ZNF558: variants seen among roughly 807,000 people sequenced by gnomAD.
ZNF558 encodes the protein zinc finger protein 558.
Under a neutral mutation model 37.6 loss-of-function variants are expected in ZNF558, and 23 were observed. The observed-to-expected ratio is 0.61, with a 90% CI of 0.44 to 0.87. The LOEUF (loss-of-function observed/expected upper bound fraction) is 0.87, where lower values mean the gene tolerates loss of function less well. ZNF558 is among the 40% of genes least tolerant of loss of function. ZNF558 has a pLI of 0.00. For synonymous variants in ZNF558, 189 were observed against 174.4 expected (o/e 1.08, Z -0.66); for missense variants, 429 against 483.7 (o/e 0.89, Z 1.06).
intron 7 of ZNF558, among the ~76,000 whole-genome samples, chr19:8,819,645 C>T (rs2044031108): frequency 6.6e-6 from 1 of 152,084 alleles, no homozygotes; most frequent in African/African-American, 2.4e-5. Context: ...CCAAGTAAAA[C>T]ATGGGCAGAG....
chr19:8,837,656 C>T, the ZNF558 span, among the ~76,000 whole-genome samples: 1 of 152,130 alleles, frequency 6.6e-6, no homozygotes, highest in East Asian at 1.9e-4. Context: ...TTCACACTGG[C>T]CTCATGGACA....
At chr19:8,818,947 A>C (rs1355621171) in intron 7 of ZNF558, among the ~76,000 whole-genome samples, 2 of 152,224 alleles carry the variant, frequency 1.3e-5, no homozygotes, top group Admixed American at 1.3e-4. Flanking sequence ...AAAGGTGGTG[A>C]GACAACTGGA....
chr19:8,811,336 A>T lies in ZNF558; in HGVS notation c.1154T>A (p.Phe385Tyr), dbSNP rs782780384. The T allele has an allele frequency of 1.2e-6, 2 of 1,610,840 alleles. No individual in the cohort carries two copies. Among genetic ancestry groups the T allele is most frequent in the Non-Finnish European group, 1.7e-6 (2 of 1,178,616 alleles). ...PYECNHCGKSFTSNSYLSVHK... is the reference protein window; with the variant it reads ...PYECNHCGKSYTSNSYLSVHK... ...CACAGAAAGATAGGAGTTACTTGTGAAGGATTTCCCACAATGATTACATTC... is the reference window on the plus strand; with the variant it reads ...CACAGAAAGATAGGAGTTACTTGTGTAGGATTTCCCACAATGATTACATTC... Residue 385 changes from phenylalanine (F) to tyrosine (Y), a missense_variant, in exon 10 of 10, where the codon TTC becomes TAC. Physicochemically the swap from Phe to Tyr is conservative, Grantham distance 22 (BLOSUM62 3). Transcript: ENST00000601372.
At chr19:8,836,532 C>A (rs1032999244), upstream of ZNF558, among the ~76,000 whole-genome samples, 1 of 151,378 alleles carries the variant, frequency 6.6e-6, no homozygotes, top group African/African-American at 2.4e-5. Flanking sequence ...TGCTTTGTCA[C>A]CCAGGCTGGA....
rs1204201630 is a variant in ZNF558 at position 8,821,661 on chromosome 19, A to G, written c.120+342T>C. ...CTCCAGGGGATCATGGGCCCGTGACATGGCAGAAAGCAGAGAAATACTTGG... is the reference window on the plus strand; with the variant it reads ...CTCCAGGGGATCATGGGCCCGTGACGTGGCAGAAAGCAGAGAAATACTTGG... On this transcript the variant is annotated intron_variant, in intron 6 of 9. Transcript: ENST00000601372. The G allele has an allele frequency of 3.8e-6, 5 of 1,309,984 alleles. No homozygotes were observed. The East Asian group carries it at 1.3e-4, about 35-fold the overall frequency. The allele number at this position is 1,309,984 out of a possible 1,614,324, so 81.1% of individuals were successfully genotyped here.
Position 8,811,903 on chromosome 19 carries a change from G to A in ZNF558, c.587C>T (p.Thr196Ile), listed in dbSNP as rs1555768285. The A allele has an allele frequency of 1.9e-6, 3 of 1,614,016 alleles. No individual in the cohort carries two copies. The highest frequency in any genetic ancestry group is 1.1e-5 in the South Asian group (1 of 91,084). ...GKSFSSRSYL[T>I]IHKRIHNGEK... ...CCCATTATGGATTCTCTTATGAATAGTAAGGTAAGATCTGCTACTGAAGGA... is the reference window on the plus strand; with the variant it reads ...CCCATTATGGATTCTCTTATGAATAATAAGGTAAGATCTGCTACTGAAGGA... Residue 196 changes from threonine (T) to isoleucine (I), a missense_variant, in exon 10 of 10, where the codon ACT (threonine) becomes ATT (isoleucine). Thr to Ile is a moderately conservative substitution (Grantham distance 89). Transcript: ENST00000601372.
chr19:8,818,247 A>G (rs1304493959), intron 7 of ZNF558, among the ~76,000 whole-genome samples: 1 of 152,052 alleles, frequency 6.6e-6, no homozygotes, highest in African/African-American at 2.4e-5. Context: ...AGGTCAAGAG[A>G]TTGAGACCAT....
At chr19:8,824,971 C>G (rs2065306849) in intron 3 of ZNF558, 31 bp downstream of exon 3, 1 of 152,184 alleles carries the variant, frequency 6.6e-6, no homozygotes, top group African/African-American at 2.4e-5. Context: ...AGGACAATAC[C>G]CTTGATGGAA....
In ZNF558 at chr19:8,812,619, T is replaced by C. The variant is rs1555768743; in HGVS notation, c.368A>G (p.Lys123Arg). Reference sequence around the variant, plus strand: ...AACATTCTTCTTAGGAGTTAACCATTTGGCTTTAAGTAGAGTCTCCAAATC... The same window carrying C: ...AACATTCTTCTTAGGAGTTAACCATCTGGCTTTAAGTAGAGTCTCCAAATC... ...CPDLETLLKA[K>R]WLTPKKNVFR... The change falls in exon 9 of 10, where the codon AAA (lysine) becomes AGA (arginine). Residue 123 changes from lysine to arginine, a missense_variant. By Grantham distance (26) the Lys-to-Arg change is conservative. Coordinates refer to ENST00000601372, the MANE Select transcript of ZNF558 (RefSeq NM_144693.3). The C allele has an allele frequency of 6.2e-7, 1 of 1,603,400 alleles. No individual in the cohort carries two copies. The highest frequency in any genetic ancestry group is 1.3e-5 in the African/African-American group (1 of 74,472).
intron 7 of ZNF558, among the ~76,000 whole-genome samples, chr19:8,815,101 G>A (rs1247266774): frequency 1.3e-5 from 2 of 152,050 alleles, no homozygotes; most frequent in Non-Finnish European, 2.9e-5. Context: ...GGAAACAAAC[G>A]TTGGGCCCAT....
upstream of ZNF558, among the ~76,000 whole-genome samples, chr19:8,832,781 GA>G (rs1248545473): frequency 2.6e-5 from 4 of 152,106 alleles, no homozygotes; most frequent in South Asian, 2.1e-4. Flanking sequence ...TACAGGGGTG[GA>G]GACCTCCATT....
At chr19:8,826,902 C>T (rs986891946) in intron 2 of ZNF558, among the ~76,000 whole-genome samples, 1 of 152,202 alleles carries the variant, frequency 6.6e-6, no homozygotes. Flanking sequence ...TGCAGAACTT[C>T]CCTACCCTCT....
upstream of ZNF558, among the ~76,000 whole-genome samples, chr19:8,834,643 A>G (rs1430999873): frequency 1.3e-5 from 2 of 151,830 alleles, no homozygotes; most frequent in Non-Finnish European, 2.9e-5. Flanking sequence ...AAAAACAAAA[A>G]AAAAACCAAC....
At position 8,822,626 on chromosome 19, in the gene ZNF558, C is replaced by G. The variant is rs2044122501; in HGVS notation, c.31+3G>C. The G allele has an allele frequency of 1.2e-6, 2 of 1,614,114 alleles. No individual in the cohort carries two copies. Among genetic ancestry groups the G allele is most frequent in the Non-Finnish European group, 1.7e-6 (2 of 1,179,988 alleles). On this transcript the variant is annotated splice_donor_region_variant and intron_variant, in intron 5 of 9. Transcript: ENST00000601372. This position sits in a 1 kb window ranked among gnomAD's most constrained non-coding sequence, Gnocchi z 4.4. The stretch of plus-strand genomic sequence containing the variant: ...TGAGAAATGTCAGGACCCCACGACT[C>G]ACCAGCAGTCGAGGGCAGGATGACA...
rs2043710166 is a variant in ZNF558 at position 8,807,146 on chromosome 19, A to T, written c.*4135T>A. The T allele has an allele frequency of 6.6e-6, 1 of 152,114 alleles. No individual in the cohort carries two copies. The highest frequency in any genetic ancestry group is 1.5e-5 in the Non-Finnish European group (1 of 68,048). 9.4% of individuals were successfully genotyped at this position (152,114 alleles called of 1,614,324 possible). ...AGGAGAGTGAGGTCTGACCCTGGCT[A>T]TTTCCTGCAGGAGGACCTGGGGCTG... is the stretch of plus-strand genomic sequence containing the variant. On this transcript the variant is annotated 3_prime_UTR_variant, in exon 10 of 10. Transcript: ENST00000601372.
chr19:8,830,754 G>A (rs568805498), intron 2 of ZNF558: 1 of 152,280 alleles, frequency 6.6e-6, no homozygotes, highest in East Asian at 1.9e-4. Context: ...AATTAGCTGG[G>A]CGTGGTGGCA....
chr19:8,819,471 C>T (rs562012292), intron 7 of ZNF558, among the ~76,000 whole-genome samples: 1 of 152,230 alleles, frequency 6.6e-6, no homozygotes, highest in African/African-American at 2.4e-5. Context: ...GTGAGCCACT[C>T]TGCCTGGTCA....
In ZNF558 at chr19:8,824,436, G is replaced by A. The variant is rs1484866529; in HGVS notation, c.-401-19C>T. Reference sequence around the variant, plus strand: ...TGAATTCCTGAAACACAAAAACAGTGAGAGACGATACATGGTCATTGTTTC... The same window carrying A: ...TGAATTCCTGAAACACAAAAACAGTAAGAGACGATACATGGTCATTGTTTC... On this transcript the variant is annotated intron_variant, in intron 3 of 9. Coordinates refer to ENST00000601372, the MANE Select transcript of ZNF558 (RefSeq NM_144693.3). 1 of 152,214 alleles carries A rather than the reference G, an allele frequency of 6.6e-6. No individual in the cohort carries two copies. Among genetic ancestry groups the A allele is most frequent in the Non-Finnish European group, 1.5e-5 (1 of 68,058 alleles). 9.4% of individuals were successfully genotyped at this position (152,214 alleles called of 1,614,324 possible).
chr19:8,819,865 C>A (rs372669996), intron 7 of ZNF558, among the ~76,000 whole-genome samples: 1 of 152,120 alleles, frequency 6.6e-6, no homozygotes, highest in African/African-American at 2.4e-5. Context: ...CACTTGAACC[C>A]GGAAGGCAGA....
Sources: allele counts gnomAD v4.1 joint callset (sites outside exome capture counted in the v4.1 genomes callset), GRCh38; gene constraint gnomAD v4.1.1; non-coding constraint Gnocchi (gnomAD v3.1); transcripts MANE v1.5; gene names NCBI Gene and HGNC (gene_info 2026-07-23, HGNC 2026-07-21).